The following LPP variants were observed in gnomAD, a reference collection of about 807,000 sequenced individuals.
The protein encoded by LPP is LIM domain containing preferred translocation partner in lipoma.
A neutral mutation model predicts 60.4 loss-of-function variants in LPP; 38 were observed. The ratio of observed to expected loss-of-function variants is 0.63; its 90% CI spans 0.49 to 0.83. The LOEUF (loss-of-function observed/expected upper bound fraction) is 0.83, where lower values mean the gene tolerates loss of function less well. Among genes scored for constraint, LPP ranks in the 40% least tolerant of loss-of-function variants. The pLI is 0.00. For synonymous variants in LPP, 328 were observed against 290.8 expected (o/e 1.13, Z -1.30); for missense variants, 902 against 783.6 (o/e 1.15, Z -1.80).
At chr3:188,579,852 G>A (rs1419887171) in intron 6 of LPP, among the ~76,000 whole-genome samples, 8 of 118,356 alleles carry the variant, frequency 6.8e-5, no homozygotes, top group African/African-American at 3.2e-5. Context: ...CACTTGTTGT[G>A]TCAGCCACTC....
intron 2 of LPP, among the ~76,000 whole-genome samples, chr3:188,275,896 G>C (rs6797042): frequency 6.6e-6 from 1 of 151,744 alleles, no homozygotes; most frequent in African/African-American, 2.4e-5. Context: ...GGCTGATCTC[G>C]AACTCCTGAC....
intron 8 of LPP, among the ~76,000 whole-genome samples, chr3:188,747,994 A>C (rs1419405724): frequency 1.3e-5 from 2 of 152,190 alleles, no homozygotes; most frequent in African/African-American, 4.8e-5. Flanking sequence ...TGAGGTACTC[A>C]TATCTTAAAA....
chr3:188,153,858 G>T (rs1276011554), upstream of LPP: 1 of 152,582 alleles, frequency 6.6e-6, no homozygotes, highest in Non-Finnish European at 1.5e-5. Flanking sequence ...CCAAGGGGAG[G>T]GGGTGGGGAC....
intron 8 of LPP, among the ~76,000 whole-genome samples, chr3:188,737,020 A>C (rs1357930812): frequency 6.6e-6 from 1 of 152,108 alleles, no homozygotes; most frequent in Non-Finnish European, 1.5e-5. Context: ...TTTATATAAA[A>C]AAATGGGTAG....
intron 4 of LPP, among the ~76,000 whole-genome samples, chr3:188,430,164 C>T (rs1790531293): frequency 6.6e-6 from 1 of 150,750 alleles, no homozygotes; most frequent in African/African-American, 2.4e-5. Flanking sequence ...CTTACTAGGC[C>T]TAAAGGAGCA....
chr3:188,482,441 A>G (rs1169803958), intron 4 of LPP, among the ~76,000 whole-genome samples: 1 of 152,134 alleles, frequency 6.6e-6, no homozygotes, highest in African/African-American at 2.4e-5. Context: ...AAACTTCTTG[A>G]CAGTTCTTTT....
intron 5 of LPP, among the ~76,000 whole-genome samples, chr3:188,487,386 A>AT (rs1418640969): frequency 6.6e-6 from 1 of 152,156 alleles, no homozygotes; most frequent in Non-Finnish European, 1.5e-5. Flanking sequence ...ATAATGAAGA[A>AT]TTTTTTTCAG....
chr3:188,253,541 AC>A (rs1163077510), intron 2 of LPP, among the ~76,000 whole-genome samples: 1 of 152,134 alleles, frequency 6.6e-6, no homozygotes, highest in Non-Finnish European at 1.5e-5. Flanking sequence ...TTACTTTTTA[AC>A]CTACACCATG....
chr3:188,364,016 G>C (rs1348388533), intron 3 of LPP, among the ~76,000 whole-genome samples: 3 of 152,108 alleles, frequency 2.0e-5, no homozygotes, highest in African/African-American at 7.2e-5. Flanking sequence ...CTTGGTCGAG[G>C]TTTGAAGGCA....
At chr3:188,499,593 G>T (rs1326707412) in intron 5 of LPP, among the ~76,000 whole-genome samples, 1 of 152,036 alleles carries the variant, frequency 6.6e-6, no homozygotes, top group Non-Finnish European at 1.5e-5. Flanking sequence ...CCTATTTTAG[G>T]TCATTTCATA....
intron 7 of LPP, among the ~76,000 whole-genome samples, chr3:188,614,021 G>A (rs1279956970): frequency 6.6e-6 from 1 of 151,470 alleles, no homozygotes; most frequent in Admixed American, 6.6e-5. Flanking sequence ...TCCACCTCCC[G>A]GGTTCAAGTG....
At chr3:188,724,091 T>C (rs1001405344) in intron 8 of LPP, among the ~76,000 whole-genome samples, 1 of 152,232 alleles carries the variant, frequency 6.6e-6, no homozygotes, top group Non-Finnish European at 1.5e-5. Context: ...GACTAGTACA[T>C]ATTGAGCACT....
At chr3:188,654,425 G>A (rs900970336) in intron 7 of LPP, among the ~76,000 whole-genome samples, 3 of 152,120 alleles carry the variant, frequency 2.0e-5, no homozygotes, top group Admixed American at 2.0e-4. Context: ...CTTAAAAATG[G>A]TGCATCATAC....
chr3:188,388,330 C>A (rs948202747), intron 3 of LPP, among the ~76,000 whole-genome samples: 2 of 152,132 alleles, frequency 1.3e-5, no homozygotes, highest in Non-Finnish European at 2.9e-5. Flanking sequence ...ACTCTCAGGT[C>A]AATTATTCTT....
intron 3 of LPP, among the ~76,000 whole-genome samples, chr3:188,355,176 T>G (rs1767214036): frequency 1.3e-5 from 2 of 152,064 alleles, no homozygotes; most frequent in Non-Finnish European, 2.9e-5. Context: ...ACCTGGCTAA[T>G]TTTTGTATTT....
chr3:188,269,506 T>A (rs1386903481), intron 2 of LPP, among the ~76,000 whole-genome samples: 1 of 152,254 alleles, frequency 6.6e-6, no homozygotes, highest in Non-Finnish European at 1.5e-5. Flanking sequence ...AGGTTATCCT[T>A]GCTTTCAAAA....
At chr3:188,866,110 C>A in intron 9 of LPP, 90 bp from the exon 10 acceptor site, 1 of 1,090,168 alleles carries the variant, frequency 9.2e-7, no homozygotes, top group Non-Finnish European at 1.2e-6. Context: ...GTGATAAGGA[C>A]CTGAGACAAT....
intron 2 of LPP, among the ~76,000 whole-genome samples, chr3:188,263,079 G>C (rs1293429793): frequency 6.6e-6 from 1 of 152,092 alleles, no homozygotes; most frequent in African/African-American, 2.4e-5. Flanking sequence ...TAGACTAAGA[G>C]GCCATTCACT....
intron 6 of LPP, among the ~76,000 whole-genome samples, chr3:188,542,200 T>C (rs1157346689): frequency 1.3e-5 from 2 of 152,248 alleles, no homozygotes; most frequent in Non-Finnish European, 2.9e-5. Context: ...TCATTTTCTT[T>C]GTCCATGATA....
Sources: allele counts gnomAD v4.1 joint callset (sites outside exome capture counted in the v4.1 genomes callset), GRCh38; gene constraint gnomAD v4.1.1; transcripts MANE v1.5; gene names NCBI Gene and HGNC (gene_info 2026-07-23, HGNC 2026-07-21).